Variants in MED27 observed in about 807,000 individuals in gnomAD.
MED27 encodes the protein mediator complex subunit 27.
MED27 carries 30 observed loss-of-function variants against 38.2 expected under a neutral mutation model. The observed-to-expected ratio is 0.79, with a 90% CI of 0.59 to 1.07. MED27 has a LOEUF of 1.07. MED27 is among the 50% of genes least tolerant of loss of function. The pLI is 0.00. For synonymous variants in MED27, 122 were observed against 153.5 expected (o/e 0.79, Z 1.52); for missense variants, 289 against 397.5 (o/e 0.73, Z 2.32).
chr9:132,079,724 T>A lies in MED27; in HGVS notation c.121A>T (p.Asn41Tyr). The A allele has an allele frequency of 1.2e-6, 2 of 1,613,966 alleles. No homozygotes were observed. The highest frequency in any genetic ancestry group is 1.7e-6 in the Non-Finnish European group (2 of 1,179,946). Residue 41 changes from asparagine to tyrosine, a missense_variant, in exon 1 of 8, where the codon AAC becomes TAC. By Grantham distance (143) the Asn-to-Tyr change is moderately radical (BLOSUM62 -2). Transcript: ENST00000292035. ...VFDCLKDGMR[N>Y]KETLEGREKA... The stretch of plus-strand genomic sequence containing the variant: ...TCCCGGCCCTCCAGCGTCTCCTTGT[T>A]CCGCATCCCATCCTTCAGGCAGTCG...
intron 4 of MED27, among the ~76,000 whole-genome samples, chr9:131,903,338 A>G (rs928825399): frequency 2.6e-5 from 4 of 152,198 alleles, no homozygotes; most frequent in Non-Finnish European, 4.4e-5. Context: ...GGCACGGGAA[A>G]GACCCACCCC....
intron 2 of MED27, among the ~76,000 whole-genome samples, chr9:132,057,584 C>A (rs1426757958): frequency 6.6e-6 from 1 of 152,178 alleles, no homozygotes. Context: ...CTTAGTGGGA[C>A]CTCCTTAAAC....
At chr9:131,896,587 A>G (rs1829836525) in intron 4 of MED27, among the ~76,000 whole-genome samples, 1 of 152,190 alleles carries the variant, frequency 6.6e-6, no homozygotes, top group Non-Finnish European at 1.5e-5. Flanking sequence ...GAACAAAGGA[A>G]GAAGACAGTT....
intron 2 of MED27, among the ~76,000 whole-genome samples, chr9:132,041,119 G>T (rs1423707314): frequency 6.6e-6 from 1 of 152,146 alleles, no homozygotes; most frequent in Admixed American, 6.5e-5. Flanking sequence ...GGGGTAGAGA[G>T]AAGAAACAAA....
intron 3 of MED27, among the ~76,000 whole-genome samples, chr9:131,958,822 T>C (rs1831155996): frequency 6.6e-6 from 1 of 152,198 alleles, no homozygotes; most frequent in African/African-American, 2.4e-5. Context: ...TCTTTACAGC[T>C]ACGACCTGGG....
intron 5 of MED27, among the ~76,000 whole-genome samples, chr9:131,888,326 G>A (rs1340089646): frequency 6.6e-6 from 1 of 152,224 alleles, no homozygotes; most frequent in Non-Finnish European, 1.5e-5. Context: ...CCATTGCATA[G>A]TTAATGCGAG....
At chr9:131,914,682 G>C (rs926576015) in intron 4 of MED27, among the ~76,000 whole-genome samples, 3 of 152,212 alleles carry the variant, frequency 2.0e-5, no homozygotes, top group Non-Finnish European at 4.4e-5. Context: ...TTGGTGCAAT[G>C]GGAAGCCCGT....
intron 2 of MED27, chr9:132,073,713 G>C: frequency 6.6e-7 from 1 of 1,516,094 alleles, no homozygotes; most frequent in Non-Finnish European, 8.8e-7. Flanking sequence ...CTTTCCAATG[G>C]AATATTCTTG....
At chr9:131,909,162 G>A (rs918775588) in intron 4 of MED27, among the ~76,000 whole-genome samples, 7 of 152,140 alleles carry the variant, frequency 4.6e-5, no homozygotes, top group Non-Finnish European at 1.0e-4. Flanking sequence ...ACCAGGTAAT[G>A]ACTTTGCTAT....
rs544143363 is a variant in MED27 at position 131,987,228 on chromosome 9, T to C, written c.479+27109A>G. Among the ~76,000 whole-genome samples, 4 of 152,188 alleles carry C rather than the reference T, an allele frequency of 2.6e-5. No individual in the cohort carries two copies. In the East Asian group the frequency reaches 7.7e-4, roughly 29 times the overall value. On this transcript the variant is annotated intron_variant, in intron 3 of 7. Coordinates refer to ENST00000292035, the MANE Select transcript of MED27 (RefSeq NM_004269.4). ...CCTGTGACTGACTAATGCTGGTGCATCTTTTACTAGTTTTAACTTCTTTTT... is the reference window on the plus strand; with the variant it reads ...CCTGTGACTGACTAATGCTGGTGCACCTTTTACTAGTTTTAACTTCTTTTT...
chr9:131,945,990 G>A (rs1357057719), intron 3 of MED27, among the ~76,000 whole-genome samples: 3 of 147,486 alleles, frequency 2.0e-5, no homozygotes, highest in African/African-American at 7.5e-5. Flanking sequence ...AAAAAAAAGC[G>A]ATCGTGCAAT....
intron 3 of MED27, among the ~76,000 whole-genome samples, chr9:132,006,894 A>G (rs562322342): frequency 1.3e-5 from 2 of 152,338 alleles, no homozygotes; most frequent in Admixed American, 1.3e-4. Context: ...AGCAAAAAAC[A>G]ACATGAGCCT....
chr9:132,014,603 A>T (rs1220877543), intron 2 of MED27, 136 bp from the exon 3 acceptor site: 1 of 845,268 alleles, frequency 1.2e-6, no homozygotes, highest in East Asian at 2.8e-5. Context: ...AACTGCTCAC[A>T]TTCTGCTTCA....
At chr9:131,939,999 C>T (rs1002194176) in intron 3 of MED27, among the ~76,000 whole-genome samples, 4 of 151,442 alleles carry the variant, frequency 2.6e-5, no homozygotes, top group African/African-American at 9.7e-5. Context: ...CTCTGCCTCC[C>T]GGGTTCAAGC....
At chr9:131,918,174 G>C (rs1830327029) in intron 4 of MED27, among the ~76,000 whole-genome samples, 1 of 152,216 alleles carries the variant, frequency 6.6e-6, no homozygotes, top group Non-Finnish European at 1.5e-5. Flanking sequence ...GTTGAAATTT[G>C]TGGAAGGAAA....
intron 3 of MED27, among the ~76,000 whole-genome samples, chr9:132,001,653 G>A (rs1284060559): frequency 6.6e-6 from 1 of 152,172 alleles, no homozygotes; most frequent in African/African-American, 2.4e-5. Context: ...ATACATTCCA[G>A]AGCTGATGAG....
Position 132,003,642 on chromosome 9 carries a change from G to A in MED27, c.479+10695C>T, listed in dbSNP as rs905928312. ...ATTGCTGGCACAACATATCCACTCTGAGACTTCTACCCTCCCTGTGCTCAT... is the reference window on the plus strand; with the variant it reads ...ATTGCTGGCACAACATATCCACTCTAAGACTTCTACCCTCCCTGTGCTCAT... On this transcript the variant is annotated intron_variant, in intron 3 of 7. Transcript: ENST00000292035. This position sits in a 1 kb window ranked among gnomAD's most constrained non-coding sequence, Gnocchi z 4.2. Among the ~76,000 whole-genome samples, 1 of 152,150 alleles carries A rather than the reference G, an allele frequency of 6.6e-6. No homozygotes were observed. Among genetic ancestry groups the A allele is most frequent in the Non-Finnish European group, 1.5e-5 (1 of 68,030 alleles).
At position 131,916,946 on chromosome 9, in the gene MED27, G is replaced by A. The variant is rs1375642970; in HGVS notation, c.573+22435C>T. Among the ~76,000 whole-genome samples the A allele has an allele frequency of 3.9e-5, 6 of 152,162 alleles. No homozygotes were observed. The East Asian group carries it at 9.6e-4, about 24-fold the overall frequency. On this transcript the variant is annotated intron_variant, in intron 4 of 7. Coordinates refer to ENST00000292035, the MANE Select transcript of MED27 (RefSeq NM_004269.4). ...TGGGGCTATCTCGGCCTGGAAATAA[G>A]GGTAGGCATTTGAAAGATGACATTA...
chr9:131,988,572 C>A (rs893895312), intron 3 of MED27, among the ~76,000 whole-genome samples: 3 of 152,138 alleles, frequency 2.0e-5, no homozygotes, highest in Non-Finnish European at 4.4e-5. Context: ...CTCTGGCTTA[C>A]TTTATTGTAA....
Sources: gnomAD v4.1 joint callset for allele counts (sites outside exome capture counted in the v4.1 genomes callset) on GRCh38, gnomAD v4.1.1 for gene constraint, Gnocchi (gnomAD v3.1) non-coding constraint, MANE v1.5 for transcripts, NCBI Gene and HGNC (gene_info 2026-07-23, HGNC 2026-07-21) for gene names.